Variants in HK1 observed in about 807,000 individuals in gnomAD.
HK1 encodes hexokinase-1.
Under a neutral mutation model 91.6 loss-of-function variants are expected in HK1, and 28 were observed. The observed-to-expected ratio is 0.31, with a 90% CI of 0.23 to 0.42. The LOEUF is 0.42. HK1 is among the 10% of genes least tolerant of loss of function. HK1 has a pLI of 1.00. For missense variants in HK1, 770 were observed against 1,219.8 expected (o/e 0.63, Z 5.49); for synonymous variants, 430 against 468.1 (o/e 0.92, Z 1.05).
At chr10:69,377,531 G>A (rs1839178443) in intron 8 of HK1, among the ~76,000 whole-genome samples, 1 of 151,960 alleles carries the variant, frequency 6.6e-6, no homozygotes, top group South Asian at 2.1e-4. Flanking sequence ...GGCACTAAGG[G>A]CACCCTAGTA....
chr10:69,284,363 C>G (rs549211062), intron 2 of HK1, among the ~76,000 whole-genome samples: 1 of 152,208 alleles, frequency 6.6e-6, no homozygotes, highest in South Asian at 2.1e-4. Context: ...GCCTCGCAGA[C>G]AGGAAGTATT....
intron 3 of HK1, among the ~76,000 whole-genome samples, chr10:69,293,914 T>A (rs1437058052): frequency 7.1e-6 from 1 of 141,284 alleles, no homozygotes; most frequent in East Asian, 2.1e-4. Flanking sequence ...CAGGCTGGAG[T>A]GCAGTGGCGT....
intron 1 of HK1, among the ~76,000 whole-genome samples, chr10:69,328,821 T>C (rs995030583): frequency 6.6e-6 from 1 of 152,196 alleles, no homozygotes; most frequent in Non-Finnish European, 1.5e-5. Flanking sequence ...ACCTAGCTTC[T>C]GGCAACCACT....
Position 69,331,460 on chromosome 10 carries a change from G to A in HK1, c.64-12367G>A, listed in dbSNP as rs554660828. On this transcript the variant is annotated intron_variant, in intron 1 of 17. Coordinates refer to ENST00000359426, the MANE Select transcript of HK1 (RefSeq NM_000188.3). ...CCAGAATAGTAGGCGCCAGCCATAGGTGGCTGTTGAGCTCTTAAAATGTAG... is the reference window on the plus strand; with the variant it reads ...CCAGAATAGTAGGCGCCAGCCATAGATGGCTGTTGAGCTCTTAAAATGTAG... 5.9e-5 allele frequency among the ~76,000 whole-genome samples: 9 copies of A among 152,374 alleles called. No individual in the cohort carries two copies. The South Asian group carries it at 1.7e-3, about 28-fold the overall frequency.
intron 7 of HK1, among the ~76,000 whole-genome samples, chr10:69,372,383 G>T (rs1934193338): frequency 6.6e-6 from 1 of 152,162 alleles, no homozygotes; most frequent in Admixed American, 6.5e-5. Flanking sequence ...AGGCTAAAGA[G>T]TTTTTTTGCC....
At chr10:69,381,157 G>T (rs949465988) in intron 9 of HK1, among the ~76,000 whole-genome samples, 7 of 152,054 alleles carry the variant, frequency 4.6e-5, no homozygotes, top group African/African-American at 1.7e-4. Flanking sequence ...GGGTGTGGTG[G>T]TGTGCCTATA....
chr10:69,322,347 A>G (rs918960681), intron 1 of HK1, among the ~76,000 whole-genome samples: 3 of 152,042 alleles, frequency 2.0e-5, no homozygotes, highest in African/African-American at 7.2e-5. Flanking sequence ...ATAAAAATAT[A>G]TCCTGGGTTG....
At chr10:69,318,524 GC>G (rs1846785502), upstream of HK1, among the ~76,000 whole-genome samples, 1 of 152,218 alleles carries the variant, frequency 6.6e-6, no homozygotes, top group Non-Finnish European at 1.5e-5. Flanking sequence ...GCCTGGCACG[GC>G]CCACCCGGGC....
At chr10:69,323,090 A>T (rs973527894) in intron 1 of HK1, among the ~76,000 whole-genome samples, 5 of 151,824 alleles carry the variant, frequency 3.3e-5, no homozygotes, top group African/African-American at 9.7e-5. Flanking sequence ...TACTAAAAAT[A>T]CAAAAATTAG....
chr10:69,363,657 A>T (rs765715174), intron 3 of HK1, among the ~76,000 whole-genome samples: 1 of 152,120 alleles, frequency 6.6e-6, no homozygotes, highest in Non-Finnish European at 1.5e-5. Flanking sequence ...GGGATTACAG[A>T]CGTGAGCCAC....
chr10:69,295,632 G>A lies in HK1; in HGVS notation c.-114-1G>A. On this transcript the variant is annotated splice_acceptor_variant, in intron 3 of 21. Coordinates refer to the HK1 transcript ENST00000360289. LOFTEE classifies it low-confidence loss of function (5UTR_SPLICE). ...CTTTACTTGTCCTGTCTTTCTCTAAGGCTACAGCAGCTGAAAAACCAAAAC... is the reference window on the plus strand; with the variant it reads ...CTTTACTTGTCCTGTCTTTCTCTAAAGCTACAGCAGCTGAAAAACCAAAAC... The A allele has an allele frequency of 1.2e-6, 2 of 1,605,792 alleles. No individual in the cohort carries two copies. Among genetic ancestry groups the A allele is most frequent in the Non-Finnish European group, 1.7e-6 (2 of 1,172,408 alleles).
intron 1 of HK1, chr10:69,338,807 G>A: frequency 2.6e-6 from 2 of 778,156 alleles, no homozygotes; most frequent in Non-Finnish European, 1.8e-6. Flanking sequence ...AGGGAAGAGG[G>A]GAAAAGGAAG....
At chr10:69,387,196 T>C (rs1287895364) in intron 13 of HK1, among the ~76,000 whole-genome samples, 2 of 152,158 alleles carry the variant, frequency 1.3e-5, no homozygotes. Context: ...CAATATCCAA[T>C]CCAGAGCAAA....
chr10:69,324,547 C>T (rs1290105169), intron 1 of HK1, among the ~76,000 whole-genome samples: 1 of 151,764 alleles, frequency 6.6e-6, no homozygotes, highest in Non-Finnish European at 1.5e-5. Context: ...AGCTGACACT[C>T]CAGTCTGGGT....
chr10:69,382,634 G>A lies in HK1; in HGVS notation c.1413G>A (p.Glu471=), dbSNP rs2132885174. ...TGGCCGAGCAGCACCGGCAGATAGA[G>A]GAGACCCTGGCTCATTTCCACCTCA... ...YRLAEQHRQI[E]ETLAHFHLTK... The change falls in exon 10 of 18, where the codon GAG becomes GAA. Residue 471 remains glutamate (E), a synonymous_variant. Transcript: ENST00000359426. 3 of 1,614,212 alleles carry A rather than the reference G, an allele frequency of 1.9e-6. No individual in the cohort carries two copies. The highest frequency in any genetic ancestry group is 3.3e-5 in the Admixed American group (2 of 60,028).
chr10:69,381,485 C>G (rs1053273005), intron 9 of HK1, among the ~76,000 whole-genome samples: 9 of 150,620 alleles, frequency 6.0e-5, no homozygotes, highest in Non-Finnish European at 1.5e-5. Flanking sequence ...TTTGCAGCAT[C>G]ACATTAGAAT....
chr10:69,354,659 G>GAATA (rs76311747), intron 2 of HK1, among the ~76,000 whole-genome samples: 2 of 151,952 alleles, frequency 1.3e-5, no homozygotes, highest in African/African-American at 4.8e-5. Context: ...TTGAATGAAT[G>GAATA]AATGGACCAC....
chr10:69,284,682 A>G (rs1844931198), intron 2 of HK1, among the ~76,000 whole-genome samples: 1 of 152,192 alleles, frequency 6.6e-6, no homozygotes. Flanking sequence ...CCTGTCGCCC[A>G]GGCTGGAGTG....
chr10:69,338,723 G>A (rs1443601798), intron 1 of HK1: 2 of 1,268,472 alleles, frequency 1.6e-6, no homozygotes, highest in Admixed American at 2.3e-5. Context: ...GTACTTGTGT[G>A]TGTATGTGTG....
Sources: gnomAD v4.1 joint callset for allele counts (sites outside exome capture counted in the v4.1 genomes callset) on GRCh38, gnomAD v4.1.1 for gene constraint, MANE v1.5 for transcripts, NCBI Gene and HGNC (gene_info 2026-07-23, HGNC 2026-07-21) for gene names.